ZDHHC11: variants seen among roughly 807,000 people sequenced by gnomAD.
ZDHHC11 encodes the protein palmitoyltransferase ZDHHC11.
A neutral mutation model predicts 51.3 loss-of-function variants in ZDHHC11; 44 were observed. The ratio of observed to expected loss-of-function variants is 0.86; its 90% CI spans 0.67 to 1.10. ZDHHC11 has a LOEUF of 1.10. Among genes scored for constraint, ZDHHC11 ranks in the 50% least tolerant of loss-of-function variants. The probability of loss-of-function intolerance (pLI) is 0.00; values close to 1 mark genes in which losing one functional copy is unlikely to be tolerated. For synonymous variants in ZDHHC11, 163 were observed against 222.0 expected, an observed-to-expected ratio of 0.73 and a Z score of 2.36; for missense variants, 400 against 537.7, an observed-to-expected ratio of 0.74 and a Z score of 2.53.
At chr5:821,732 C>A in intron 9 of ZDHHC11, 129 bp downstream of exon 9, 2 of 937,878 alleles carry the variant, frequency 2.1e-6, no homozygotes, top group South Asian at 3.7e-5. Context: ...GAAAGTGCCA[C>A]CTCCTGGCAC....
intron 6 of ZDHHC11, among the ~76,000 whole-genome samples, chr5:835,305 T>G (rs1422894126): frequency 1.3e-5 from 2 of 151,724 alleles, no homozygotes; most frequent in Admixed American, 6.6e-5. Context: ...CTTGTTGAAC[T>G]ATAATTTCTC....
chr5:850,042 G>A (rs1024030840), intron 1 of ZDHHC11, among the ~76,000 whole-genome samples: 9 of 152,242 alleles, frequency 5.9e-5, no homozygotes, highest in African/African-American at 2.2e-4. Flanking sequence ...CAGGGGCAAG[G>A]AGAAAGGTGC....
chr5:839,801 C>G (rs1291658328), intron 5 of ZDHHC11: 5 of 205,562 alleles, frequency 2.4e-5, no homozygotes, highest in Non-Finnish European at 5.0e-5. Flanking sequence ...CCTGGACACA[C>G]TCTGCTGCCC....
intron 1 of ZDHHC11, among the ~76,000 whole-genome samples, chr5:857,036 C>T (rs1748360872): frequency 6.6e-6 from 1 of 151,544 alleles, no homozygotes; most frequent in Non-Finnish European, 1.5e-5. Context: ...ATACCACACA[C>T]AACACACAAT....
chr5:858,945 C>T lies in ZDHHC11; in HGVS notation c.-72G>A, dbSNP rs79635884. Among the ~76,000 whole-genome samples, 864 of 152,182 alleles carry T rather than the reference C, an allele frequency of 5.7e-3. 7 individuals are homozygous for T. Among genetic ancestry groups the T allele is most frequent in the African/African-American group, 0.02 (833 of 41,532 alleles). On this transcript the variant is annotated 5_prime_UTR_variant, in exon 1 of 4. Coordinates refer to the ZDHHC11 transcript ENST00000685990. ...AGGCTGAAGAGCAAGAGAAAAGCAG[C>T]GTCGCTCTCGCTAACTCCAGACCAA...
At chr5:831,209 A>G (rs560644239) in intron 7 of ZDHHC11, among the ~76,000 whole-genome samples, 2 of 149,854 alleles carry the variant, frequency 1.3e-5, no homozygotes, top group East Asian at 3.9e-4. Context: ...ACGGAAAGGA[A>G]GAAAATATTA....
At chr5:838,074 A>G (rs900224141) in intron 5 of ZDHHC11, among the ~76,000 whole-genome samples, 4 of 151,844 alleles carry the variant, frequency 2.6e-5, no homozygotes, top group Non-Finnish European at 5.9e-5. Flanking sequence ...CCCCAGGCCC[A>G]GGAGGTGAAC....
chr5:806,238 T>C (rs1427516234), intron 11 of ZDHHC11, among the ~76,000 whole-genome samples: 2 of 151,034 alleles, frequency 1.3e-5, no homozygotes, highest in African/African-American at 2.4e-5. Flanking sequence ...AGCCCAGAAA[T>C]AGACTCAAAT....
At chr5:851,648 T>C (rs892399958), upstream of ZDHHC11, among the ~76,000 whole-genome samples, 2 of 152,320 alleles carry the variant, frequency 1.3e-5, no homozygotes, top group African/African-American at 4.8e-5. Context: ...TGGTGGCTCC[T>C]CCCTGGTCCT....
chr5:802,913 T>C (rs1214009131), intron 11 of ZDHHC11, among the ~76,000 whole-genome samples: 6 of 127,042 alleles, frequency 4.7e-5, no homozygotes, highest in African/African-American at 1.2e-4. Flanking sequence ...CCCAGTTACT[T>C]GGGAGGCTGA....
At chr5:809,014 C>CAGACACACACACACACAT (rs1554050773) in intron 11 of ZDHHC11, among the ~76,000 whole-genome samples, 2 of 139,016 alleles carry the variant, frequency 1.4e-5, no homozygotes, top group Admixed American at 1.4e-4. Flanking sequence ...CACACACACA[C>CAGACACACACACACACAT]GCACACTATT....
intron 11 of ZDHHC11, among the ~76,000 whole-genome samples, chr5:808,050 G>T (rs1320473641): frequency 6.6e-6 from 1 of 150,512 alleles, no homozygotes; most frequent in African/African-American, 2.5e-5. Flanking sequence ...TGGGGTTAAG[G>T]GCCAGAGTGT....
chr5:835,822 A>C (rs1293299166), intron 6 of ZDHHC11, among the ~76,000 whole-genome samples: 1 of 151,828 alleles, frequency 6.6e-6, no homozygotes, highest in Non-Finnish European at 1.5e-5. Context: ...AGGTTTGTCA[A>C]ATTTATTCTT....
upstream of ZDHHC11, among the ~76,000 whole-genome samples, chr5:859,415 C>T (rs1262007860): frequency 1.3e-5 from 2 of 152,232 alleles, no homozygotes; most frequent in South Asian, 2.1e-4. Context: ...GATTGCAACG[C>T]GTTGTGGTCC....
rs539848331 is a variant in ZDHHC11, at chr5:842,299, G to T, written c.628+1301C>A. 38 of 882,114 alleles carry T rather than the reference G, an allele frequency of 4.3e-5. No individual in the cohort carries two copies. The East Asian group carries it at 5.8e-3, about 136-fold the overall frequency. 54.6% of individuals were successfully genotyped at this position (882,114 alleles called of 1,614,324 possible). On this transcript the variant is annotated intron_variant, in intron 4 of 12. Coordinates refer to ENST00000283441, the MANE Select transcript of ZDHHC11 (RefSeq NM_024786.3). The stretch of plus-strand genomic sequence containing the variant: ...CTGCTGGGGAAGGTGACTTGCTACT[G>T]GGGGAGAAGAACGCAACAGGCATCG...
intron 1 of ZDHHC11, among the ~76,000 whole-genome samples, chr5:856,262 C>T (rs1273674514): frequency 1.3e-5 from 2 of 150,532 alleles, no homozygotes; most frequent in Non-Finnish European, 3.0e-5. Context: ...CAACACACAC[C>T]AAACAGAAAC....
chr5:839,968 G>GA (rs1185725958), intron 5 of ZDHHC11: 2 of 517,298 alleles, frequency 3.9e-6, no homozygotes, highest in African/African-American at 3.9e-5. Flanking sequence ...TGGGGCTGGG[G>GA]AGTTTACCCT....
At chr5:842,116 A>C in intron 4 of ZDHHC11, 3 of 973,550 alleles carry the variant, frequency 3.1e-6, no homozygotes, top group Non-Finnish European at 3.7e-6. Context: ...CCAGGAATTC[A>C]CTCAGGCCAC....
intron 5 of ZDHHC11, chr5:840,115 G>C: frequency 3.3e-6 from 2 of 611,286 alleles, no homozygotes; most frequent in Non-Finnish European, 5.9e-6. Context: ...ATTTCTACTT[G>C]TGTTTTTGGA....
Sources: gnomAD v4.1 joint callset for allele counts (sites outside exome capture counted in the v4.1 genomes callset) on GRCh38, gnomAD v4.1.1 for gene constraint, MANE v1.5 for transcripts, NCBI Gene and HGNC (gene_info 2026-07-23, HGNC 2026-07-21) for gene names.